Variants in KIAA1191 observed in about 807,000 individuals in gnomAD.
The protein encoded by KIAA1191 is KIAA1191.
A neutral mutation model predicts 31.1 loss-of-function variants in KIAA1191; 22 were observed. That is an observed-to-expected ratio of 0.71 (90% CI 0.51 to 1.01). KIAA1191 has a LOEUF of 1.01. KIAA1191 is among the 50% of genes least tolerant of loss of function. KIAA1191 has a pLI of 0.00. For missense variants in KIAA1191, 319 were observed against 388.0 expected, an observed-to-expected ratio of 0.82 and a Z score of 1.49; for synonymous variants, 130 against 143.9, an observed-to-expected ratio of 0.90 and a Z score of 0.69.
rs1425800819 is a variant in KIAA1191, at chr5:176,361,403, A to T, written c.-168+199T>A. The T allele has an allele frequency of 6.6e-6, 1 of 152,462 alleles. No homozygotes were observed. The highest frequency in any genetic ancestry group is 1.5e-5 in the Non-Finnish European group (1 of 68,230). 9.4% of individuals were successfully genotyped at this position (152,462 alleles called of 1,614,324 possible). A position where few individuals can be genotyped will look rare whatever the true frequency, so the allele number is the denominator to read the frequency against. ...CAGGGCATTCCCGGAGAGAAGCCCCATTACGGAGACCCCAGAGAGCGGAGC... is the reference window on the plus strand; with the variant it reads ...CAGGGCATTCCCGGAGAGAAGCCCCTTTACGGAGACCCCAGAGAGCGGAGC... On this transcript the variant is annotated intron_variant, in intron 1 of 8. Transcript: ENST00000298569. This position sits in a 1 kb window ranked among gnomAD's most constrained non-coding sequence, Gnocchi z 4.0.
rs184912692 is a variant in KIAA1191, at chr5:176,355,439, G to A, written c.207+132C>T. ...AAAAAAAAAAAAGACAGCTATAACT[G>A]AGGCACAGAAAACACATACAGGGAG... is the stretch of plus-strand genomic sequence containing the variant. On this transcript the variant is annotated intron_variant, in intron 4 of 8. Transcript: ENST00000298569. This position sits in a 1 kb window ranked among gnomAD's most constrained non-coding sequence, Gnocchi z 4.2. 2 of 712,414 alleles carry A rather than the reference G, an allele frequency of 2.8e-6. No individual in the cohort carries two copies. Among genetic ancestry groups the A allele is most frequent in the East Asian group, 2.6e-5 (1 of 38,346 alleles). 44.1% of individuals were successfully genotyped at this position (712,414 alleles called of 1,614,324 possible). A position where few individuals can be genotyped will look rare whatever the true frequency, so the allele number is the denominator to read the frequency against.
At position 176,347,594 on chromosome 5, in the gene KIAA1191, A is replaced by C. The variant is rs200976568; in HGVS notation, c.*6T>G. Reference sequence around the variant, plus strand: ...CACCTTTACCAGAATCCCTGGAAAGAGGGCTCTAGAAGCCAGTGGGTGTGA... The same window carrying C: ...CACCTTTACCAGAATCCCTGGAAAGCGGGCTCTAGAAGCCAGTGGGTGTGA... On this transcript the variant is annotated 3_prime_UTR_variant, in exon 9 of 9. Transcript: ENST00000298569. The C allele has an allele frequency of 3.7e-5, 54 of 1,473,302 alleles. No individual in the cohort carries two copies. In the East Asian group the frequency reaches 9.5e-4, roughly 26 times the overall value. 91.3% of individuals were successfully genotyped at this position (1,473,302 alleles called of 1,614,324 possible).
At position 176,351,499 on chromosome 5, in the gene KIAA1191, C is replaced by G. The variant is rs1164290989; in HGVS notation, c.335-762G>C. Among the ~76,000 whole-genome samples, 3 of 152,044 alleles carry G rather than the reference C, an allele frequency of 2.0e-5. No individual in the cohort carries two copies. In the South Asian group the frequency reaches 6.2e-4, roughly 32 times the overall value. ...TATAGGTGGTGCGTGATGGCTCACACCTGTAATCCCAGCACTTTGGTTGGC... is the reference window on the plus strand; with the variant it reads ...TATAGGTGGTGCGTGATGGCTCACAGCTGTAATCCCAGCACTTTGGTTGGC... On this transcript the variant is annotated intron_variant, in intron 5 of 8. Transcript: ENST00000298569.
At chr5:176,352,797 TCA>T in intron 4 of KIAA1191, 49 bp from the exon 5 acceptor site, 1 of 1,565,874 alleles carries the variant, frequency 6.4e-7, no homozygotes, top group Non-Finnish European at 8.7e-7. Flanking sequence ...GGCAGGGGAG[TCA>T]CACACCTAAA....
chr5:176,355,974 C>CTT lies in KIAA1191; in HGVS notation c.29-227_29-226dup. 1 of 523,200 alleles carries CTT rather than the reference C, an allele frequency of 1.9e-6. No homozygotes were observed. Among genetic ancestry groups the CTT allele is most frequent in the East Asian group, 3.4e-5 (1 of 29,008 alleles). The allele number at this position is 523,200 out of a possible 1,614,324, so 32.4% of individuals were successfully genotyped here. On this transcript the variant is annotated intron_variant, in intron 3 of 8. Coordinates refer to ENST00000298569, the MANE Select transcript of KIAA1191 (RefSeq NM_020444.5). The surrounding 1 kb of genome is among the most constrained non-coding windows in gnomAD (Gnocchi z 4.2). ...CTTAACCCACTCAGCCGTCCTAATCCTTTTTTTTTATTATTTGTTTAGAGA... is the reference window on the plus strand; with the variant it reads ...CTTAACCCACTCAGCCGTCCTAATCCTTTTTTTTTTTATTATTTGTTTAGAGA...
rs576833081 is a variant in KIAA1191 at position 176,347,417 on chromosome 5, G to A, written c.*183C>T. On this transcript the variant is annotated 3_prime_UTR_variant, in exon 9 of 9. Coordinates refer to ENST00000298569, the MANE Select transcript of KIAA1191 (RefSeq NM_020444.5). Reference sequence around the variant, plus strand: ...GGGTTTCACCATGTTGGCCAGGCTGGTCTTGAACTCCTGACCTCAGGTATC... The same window carrying A: ...GGGTTTCACCATGTTGGCCAGGCTGATCTTGAACTCCTGACCTCAGGTATC... 36 of 388,418 alleles carry A rather than the reference G, an allele frequency of 9.3e-5. No individual in the cohort carries two copies. The highest frequency in any genetic ancestry group is 1.3e-4 in the Admixed American group (3 of 23,618). 24.1% of individuals were successfully genotyped at this position (388,418 alleles called of 1,614,324 possible).
Position 176,355,109 on chromosome 5 carries a change from G to C in KIAA1191, c.207+462C>G, listed in dbSNP as rs1767386269. Among the ~76,000 whole-genome samples the C allele has an allele frequency of 6.6e-6, 1 of 152,138 alleles. No homozygotes were observed. Among genetic ancestry groups the C allele is most frequent in the African/African-American group, 2.4e-5 (1 of 41,428 alleles). ...TGCACAGTTCAAGCACTGGGTAGGGGAGCTGGAGAGATGCAGGCAGGACTT... is the reference window on the plus strand; with the variant it reads ...TGCACAGTTCAAGCACTGGGTAGGGCAGCTGGAGAGATGCAGGCAGGACTT... On this transcript the variant is annotated intron_variant, in intron 4 of 8. Coordinates refer to ENST00000298569, the MANE Select transcript of KIAA1191 (RefSeq NM_020444.5). The surrounding 1 kb of genome is among the most constrained non-coding windows in gnomAD (Gnocchi z 4.2).
intron 2 of KIAA1191, 91 bp from the exon 3 acceptor site, chr5:176,359,658 A>C: frequency 1.5e-6 from 1 of 671,002 alleles, no homozygotes; most frequent in Admixed American, 2.4e-5. Context: ...CTTGTTTACA[A>C]GGTTGAAACA....
intron 4 of KIAA1191, chr5:176,353,687 C>T (rs1020191939): frequency 4.6e-5 from 7 of 152,148 alleles, no homozygotes; most frequent in Non-Finnish European, 2.9e-5. Flanking sequence ...ATGAGTCAAG[C>T]GGAGCTCTCC....
intron 5 of KIAA1191, among the ~76,000 whole-genome samples, chr5:176,351,496 A>G (rs550044099): frequency 1.3e-5 from 2 of 152,146 alleles, no homozygotes; most frequent in African/African-American, 2.4e-5. Context: ...GTGATGGCTC[A>G]CACCTGTAAT....
chr5:176,353,536 A>G (rs1193861774), intron 4 of KIAA1191: 3 of 152,218 alleles, frequency 2.0e-5, no homozygotes, highest in African/African-American at 7.2e-5. Context: ...AAGTAATGAA[A>G]AATGTTGTAT....
At chr5:176,352,943 G>A (rs1290873785) in intron 4 of KIAA1191, among the ~76,000 whole-genome samples, 195 bp from the exon 5 acceptor site, 1 of 152,176 alleles carries the variant, frequency 6.6e-6, no homozygotes, top group Non-Finnish European at 1.5e-5. Flanking sequence ...AAGACATTAG[G>A]TGAATAGTTT....
At chr5:176,350,569 T>A (rs373884677) in intron 6 of KIAA1191, 44 bp downstream of exon 6, 10 of 1,604,314 alleles carry the variant, frequency 6.2e-6, no homozygotes, top group Middle Eastern at 4.4e-4. Context: ...TTTCAAGCCA[T>A]GAACACTGAA....
intron 3 of KIAA1191, among the ~76,000 whole-genome samples, chr5:176,358,776 G>C (rs1767712443): frequency 6.6e-6 from 1 of 152,072 alleles, no homozygotes; most frequent in Non-Finnish European, 1.5e-5. Context: ...GGAGGCCGAG[G>C]CAGGCAGATC....
At chr5:176,359,657 A>G (rs772815003) in intron 2 of KIAA1191, 90 bp from the exon 3 acceptor site, 4 of 685,516 alleles carry the variant, frequency 5.8e-6, no homozygotes, top group Non-Finnish European at 5.4e-6. Flanking sequence ...GCTTGTTTAC[A>G]AGGTTGAAAC....
chr5:176,352,708 G>A lies in KIAA1191; in HGVS notation c.248C>T (p.Thr83Ile), dbSNP rs1204620961. The change falls in exon 5 of 9, where the codon ACC becomes ATC. Residue 83 changes from threonine to isoleucine, a missense_variant. Thr to Ile is a moderately conservative substitution (Grantham distance 89). Coordinates refer to ENST00000298569, the MANE Select transcript of KIAA1191 (RefSeq NM_020444.5). ...GEASLPSPAM[T>I]LSSAIDSVDK... ...CACACTGTCAATGGCTGATGACAGG[G>A]TCATGGCAGGGGAGGGTAGACTGGC... The A allele has an allele frequency of 6.2e-7, 1 of 1,613,856 alleles. No individual in the cohort carries two copies. The highest frequency in any genetic ancestry group is 2.2e-5 in the East Asian group (1 of 44,888).
chr5:176,349,048 A>G (rs1330185296), intron 6 of KIAA1191: 3 of 152,314 alleles, frequency 2.0e-5, no homozygotes, highest in African/African-American at 7.2e-5. Flanking sequence ...AATTTTCTCA[A>G]ACGCTCAACA....
At chr5:176,358,993 A>C (rs1280708376) in intron 3 of KIAA1191, among the ~76,000 whole-genome samples, 1 of 149,770 alleles carries the variant, frequency 6.7e-6, no homozygotes, top group Non-Finnish European at 1.5e-5. Context: ...CTGAGGCAGG[A>C]GAATGGTGTG....
At chr5:176,356,362 T>G (rs1767506835) in intron 3 of KIAA1191, among the ~76,000 whole-genome samples, 1 of 152,176 alleles carries the variant, frequency 6.6e-6, no homozygotes, top group African/African-American at 2.4e-5. Context: ...ATGAGGAAAC[T>G]AAGGCCTAGG....
Sources: gnomAD v4.1 joint callset for allele counts (sites outside exome capture counted in the v4.1 genomes callset) on GRCh38, gnomAD v4.1.1 for gene constraint, Gnocchi (gnomAD v3.1) non-coding constraint, MANE v1.5 for transcripts, NCBI Gene and HGNC (gene_info 2026-07-23, HGNC 2026-07-21) for gene names.